Variants in RAPGEF6 observed in about 807,000 individuals in gnomAD.
RAPGEF6 encodes PDZ domain containing guanine nucleotide exchange factor (GEF) 2.
A neutral mutation model predicts 171.4 loss-of-function variants in RAPGEF6; 56 were observed. The observed-to-expected ratio is 0.33, with a 90% CI of 0.26 to 0.41. The LOEUF (loss-of-function observed/expected upper bound fraction) is 0.41, where lower values mean the gene tolerates loss of function less well. RAPGEF6 is among the 10% of genes least tolerant of loss of function. The pLI, the probability that RAPGEF6 is intolerant of heterozygous loss-of-function variation, is 1.00. For missense variants in RAPGEF6, 1,674 were observed against 1,921.4 expected (o/e 0.87, Z 2.41); for synonymous variants, 692 against 650.1 (o/e 1.06, Z -0.98).
At chr5:131,609,521 A>G (rs572850514) in intron 1 of RAPGEF6, among the ~76,000 whole-genome samples, 3 of 152,248 alleles carry the variant, frequency 2.0e-5, no homozygotes, top group African/African-American at 7.2e-5. Flanking sequence ...ATATCCCAGA[A>G]CTGGCACAAT....
In RAPGEF6 at chr5:131,575,779, C is replaced by T. The variant is rs1221036630; in HGVS notation, c.282-13732G>A. Among the ~76,000 whole-genome samples, 3 of 152,146 alleles carry T rather than the reference C, an allele frequency of 2.0e-5. No homozygotes were observed. In the East Asian group the frequency reaches 5.8e-4, roughly 29 times the overall value. ...TCTTACATATGGCTGAAAAACAAGG[C>T]TGTGCGGTCGGAGTTCTCTTACACA... On this transcript the variant is annotated intron_variant, in intron 4 of 27. Transcript: ENST00000509018.
intron 1 of RAPGEF6, among the ~76,000 whole-genome samples, chr5:131,634,532 C>CT (rs917843033): frequency 2.6e-5 from 4 of 151,986 alleles, no homozygotes; most frequent in African/African-American, 7.3e-5. Flanking sequence ...AAAACTTTAT[C>CT]TTTTTTTTAG....
chr5:131,446,930 C>T (rs1396643567), intron 21 of RAPGEF6: 2 of 474,346 alleles, frequency 4.2e-6, no homozygotes, highest in Admixed American at 3.8e-5. Flanking sequence ...AACAATGGCC[C>T]CCTGAGTGGC....
chr5:131,426,913 T>C lies in RAPGEF6; in HGVS notation c.*353A>G. The C allele has an allele frequency of 4.4e-6, 1 of 227,172 alleles. No individual in the cohort carries two copies. Among genetic ancestry groups the C allele is most frequent in the Admixed American group, 5.8e-5 (1 of 17,268 alleles). The allele number at this position is 227,172 out of a possible 1,614,324, so 14.1% of individuals were successfully genotyped here. A position where few individuals can be genotyped will look rare whatever the true frequency, so the allele number is the denominator to read the frequency against. On this transcript the variant is annotated 3_prime_UTR_variant, in exon 28 of 28. Coordinates refer to ENST00000509018, the MANE Select transcript of RAPGEF6 (RefSeq NM_016340.6). ...AGCCCAAGCTATGGCTTGGAAATAATAATGCCATTATCTTTAAAATAGCTT... is the reference window on the plus strand; with the variant it reads ...AGCCCAAGCTATGGCTTGGAAATAACAATGCCATTATCTTTAAAATAGCTT...
At chr5:131,557,858 G>GT (rs1383944349) in intron 5 of RAPGEF6, among the ~76,000 whole-genome samples, 27 of 152,090 alleles carry the variant, frequency 1.8e-4, no homozygotes, top group African/African-American at 6.5e-4. Context: ...TAAATTCAAT[G>GT]TAGTCATGTT....
intron 5 of RAPGEF6, among the ~76,000 whole-genome samples, chr5:131,555,558 A>G (rs1761182954): frequency 6.6e-6 from 1 of 151,972 alleles, no homozygotes; most frequent in Admixed American, 6.6e-5. Flanking sequence ...TCTATTAGTT[A>G]TATTAACTAT....
intron 6 of RAPGEF6, among the ~76,000 whole-genome samples, chr5:131,541,993 C>G (rs569221990): frequency 6.6e-6 from 1 of 151,056 alleles, no homozygotes; most frequent in South Asian, 2.1e-4. Flanking sequence ...GTGACTCATC[C>G]AGTGACTTTC....
chr5:131,631,140 A>T (rs2150044139), intron 1 of RAPGEF6, among the ~76,000 whole-genome samples: 1 of 152,250 alleles, frequency 6.6e-6, no homozygotes, highest in Admixed American at 6.5e-5. Context: ...CTACTTGGTA[A>T]TTTTACCCAG....
At chr5:131,443,504 C>A in intron 22 of RAPGEF6, among the ~76,000 whole-genome samples, 1 of 152,212 alleles carries the variant, frequency 6.6e-6, no homozygotes, top group East Asian at 1.9e-4. Context: ...GCCTTCAAGG[C>A]ATTCTTCATA....
chr5:131,527,781 C>T lies in RAPGEF6; in HGVS notation c.496-6260G>A, dbSNP rs368443516. Among the ~76,000 whole-genome samples, 951 of 151,822 alleles carry T rather than the reference C, an allele frequency of 6.3e-3. 13 individuals carry two copies. Among genetic ancestry groups the T allele is most frequent in the African/African-American group, 0.022 (914 of 41,364 alleles). On this transcript the variant is annotated intron_variant, in intron 6 of 27. Coordinates refer to ENST00000509018, the MANE Select transcript of RAPGEF6 (RefSeq NM_016340.6). ...CTGTAATCCCAGCACTTTGGGAGGC[C>T]GAGGCGGGCGGATCACAAGGTCAGG...
chr5:131,586,621 ACT>A (rs1763273360), intron 4 of RAPGEF6, among the ~76,000 whole-genome samples: 1 of 152,050 alleles, frequency 6.6e-6, no homozygotes, highest in South Asian at 2.1e-4. Flanking sequence ...ACAAAGTAAG[ACT>A]CTATCTTAAA....
Position 131,595,954 on chromosome 5 carries a change from A to G in RAPGEF6, c.198-3488T>C, listed in dbSNP as rs867488517. 9.2e-5 allele frequency among the ~76,000 whole-genome samples: 14 copies of G among 152,280 alleles called. No homozygotes were observed. In the South Asian group the frequency reaches 1.0e-3, roughly 11 times the overall value. ...GATCACTTGAGGTCAGGAGTTCAAG[A>G]CCAGCCTGGCCAACATGGCGAAACC... On this transcript the variant is annotated intron_variant, in intron 3 of 27. Transcript: ENST00000509018.
At chr5:131,505,574 T>C in intron 9 of RAPGEF6, 52 bp from the exon 10 acceptor site, 3 of 1,485,736 alleles carry the variant, frequency 2.0e-6, no homozygotes, top group Non-Finnish European at 1.8e-6. Context: ...GGTAGTTACA[T>C]GTTAACTTTG....
chr5:131,566,752 CT>C (rs1182798510), intron 4 of RAPGEF6, among the ~76,000 whole-genome samples: 1 of 150,344 alleles, frequency 6.7e-6, no homozygotes. Flanking sequence ...TTTTTTGAGC[CT>C]TTTTTTGTAA....
At chr5:131,589,322 T>C (rs771803267) in intron 4 of RAPGEF6, among the ~76,000 whole-genome samples, 1 of 152,212 alleles carries the variant, frequency 6.6e-6, no homozygotes, top group African/African-American at 2.4e-5. Context: ...ATATATATAG[T>C]ATAAGATATT....
chr5:131,533,762 G>T (rs541845946), intron 6 of RAPGEF6, among the ~76,000 whole-genome samples: 1 of 152,030 alleles, frequency 6.6e-6, no homozygotes, highest in Non-Finnish European at 1.5e-5. Flanking sequence ...GCCCAATGCT[G>T]AATTCCTAGA....
rs957982066 is a variant in RAPGEF6 at position 131,426,702 on chromosome 5, C to T, written c.*564G>A. 7.3e-6 allele frequency: 1 copy of T among 136,842 alleles called. No individual in the cohort carries two copies. Among genetic ancestry groups the T allele is most frequent in the Non-Finnish European group, 1.6e-5 (1 of 62,066 alleles). 8.5% of individuals were successfully genotyped at this position (136,842 alleles called of 1,614,324 possible). A position where few individuals can be genotyped will look rare whatever the true frequency, so the allele number is the denominator to read the frequency against. ...AAGTCACATCTCTGTGTAGATCAAG[C>T]ATATCACCTCTGTAAAGATGACTTC... is the stretch of plus-strand genomic sequence containing the variant. On this transcript the variant is annotated 3_prime_UTR_variant, in exon 28 of 28. Coordinates refer to ENST00000509018, the MANE Select transcript of RAPGEF6 (RefSeq NM_016340.6).
chr5:131,524,214 G>A (rs1480432489), intron 6 of RAPGEF6, among the ~76,000 whole-genome samples: 2 of 152,140 alleles, frequency 1.3e-5, no homozygotes, highest in South Asian at 2.1e-4. Flanking sequence ...AATGGGAAAT[G>A]TGTGGGTAAA....
chr5:131,529,549 G>A (rs1435978743), intron 6 of RAPGEF6, among the ~76,000 whole-genome samples: 1 of 151,860 alleles, frequency 6.6e-6, no homozygotes, highest in African/African-American at 2.4e-5. Context: ...CTCCAAAAGT[G>A]TCAATAGGGG....
Sources: gnomAD v4.1 joint callset for allele counts (sites outside exome capture counted in the v4.1 genomes callset) on GRCh38, gnomAD v4.1.1 for gene constraint, MANE v1.5 for transcripts, NCBI Gene and HGNC (gene_info 2026-07-23, HGNC 2026-07-21) for gene names.